The following COLEC12 variants were observed in gnomAD, a reference collection of about 807,000 sequenced individuals.
COLEC12 encodes collectin-12.
COLEC12 carries 33 observed loss-of-function variants against 71.1 expected under a neutral mutation model. That is an observed-to-expected ratio of 0.46 (90% CI 0.35 to 0.62). The LOEUF is 0.62. Ranked by LOEUF, COLEC12 falls within the 20% of genes least tolerant of loss-of-function variation. The pLI, the probability that COLEC12 is intolerant of heterozygous loss-of-function variation, is 0.00. For synonymous variants in COLEC12, 350 were observed against 353.0 expected, an observed-to-expected ratio of 0.99 and a Z score of 0.10; for missense variants, 765 against 916.1, an observed-to-expected ratio of 0.84 and a Z score of 2.13.
intron 2 of COLEC12, among the ~76,000 whole-genome samples, chr18:383,530 T>C (rs764957082): frequency 6.6e-6 from 1 of 152,222 alleles, no homozygotes; most frequent in Non-Finnish European, 1.5e-5. Context: ...GTTACGATTA[T>C]ATTGGTTTTG....
intron 2 of COLEC12, among the ~76,000 whole-genome samples, chr18:359,995 C>A (rs546917205): frequency 3.8e-4 from 58 of 152,266 alleles, no homozygotes; most frequent in African/African-American, 1.3e-3. Flanking sequence ...CTCAACCAAT[C>A]CCTCTGGTGT....
At chr18:441,293 G>A (rs977643536) in intron 2 of COLEC12, among the ~76,000 whole-genome samples, 1 of 151,872 alleles carries the variant, frequency 6.6e-6, no homozygotes, top group Admixed American at 6.6e-5. Context: ...AGTGCTATAC[G>A]GACTGTACGT....
rs540536452 is a variant in COLEC12, at chr18:332,923, T to C, written c.1953+84A>G. The C allele has an allele frequency of 7.1e-5, 90 of 1,265,150 alleles. No individual in the cohort carries two copies. In the East Asian group the frequency reaches 2.1e-3, roughly 30 times the overall value. 78.4% of individuals were successfully genotyped at this position (1,265,150 alleles called of 1,614,324 possible). Reference sequence around the variant, plus strand: ...CGTGACTAGGAATTCGTGATATCTCTGAATCCCCAACAAGCCTGCAATTTC... The same window carrying C: ...CGTGACTAGGAATTCGTGATATCTCCGAATCCCCAACAAGCCTGCAATTTC... On this transcript the variant is annotated intron_variant, in intron 7 of 9. Coordinates refer to ENST00000400256, the MANE Select transcript of COLEC12 (RefSeq NM_130386.3).
intron 2 of COLEC12, among the ~76,000 whole-genome samples, chr18:466,271 A>G (rs1318037858): frequency 2.6e-5 from 4 of 152,112 alleles, no homozygotes; most frequent in Non-Finnish European, 4.4e-5. Context: ...AAATTTTTAA[A>G]AAATGGTTAC....
At chr18:428,416 C>T (rs1017506819) in intron 2 of COLEC12, among the ~76,000 whole-genome samples, 2 of 152,144 alleles carry the variant, frequency 1.3e-5, no homozygotes, top group Non-Finnish European at 2.9e-5. Context: ...GAGATGAGAA[C>T]AGAAAAATCA....
intron 2 of COLEC12, among the ~76,000 whole-genome samples, chr18:364,993 G>C (rs1206353270): frequency 6.6e-6 from 1 of 152,082 alleles, no homozygotes; most frequent in Non-Finnish European, 1.5e-5. Flanking sequence ...ATCTCCAGAA[G>C]TGAAAAACAA....
rs1914422011 is a variant in COLEC12 at position 347,956 on chromosome 18, T to C, written c.280+109A>G. 3 of 646,968 alleles carry C rather than the reference T, an allele frequency of 4.6e-6. No homozygotes were observed. The African/African-American group carries it at 5.5e-5, about 12-fold the overall frequency. The allele number at this position is 646,968 out of a possible 1,614,324, so 40.1% of individuals were successfully genotyped here. A position where few individuals can be genotyped will look rare whatever the true frequency, so the allele number is the denominator to read the frequency against. ...GAGACTCAACATGCAACACAAAAAT[T>C]GAATGTCCTTCCGGGTGAATGGGGA... On this transcript the variant is annotated intron_variant, in intron 4 of 9. Coordinates refer to ENST00000400256, the MANE Select transcript of COLEC12 (RefSeq NM_130386.3).
At chr18:349,190 C>T (rs1403978091) in intron 3 of COLEC12, among the ~76,000 whole-genome samples, 1 of 152,212 alleles carries the variant, frequency 6.6e-6, no homozygotes, top group Non-Finnish European at 1.5e-5. Flanking sequence ...TTTCGTGGGC[C>T]AGGCCCAGGG....
At position 357,479 on chromosome 18, in the gene COLEC12, C is replaced by T; in HGVS notation, c.102G>A (p.Trp34Ter). 6.3e-7 allele frequency: 1 copy of T among 1,591,780 alleles called. No individual in the cohort carries two copies. Among genetic ancestry groups the T allele is most frequent in the Non-Finnish European group, 8.6e-7 (1 of 1,168,080 alleles). Residue 34 changes from tryptophan (W) to a stop codon, truncating the protein, a stop_gained, in exon 3 of 10, where the codon TGG becomes TGA. Coordinates refer to ENST00000400256, the MANE Select transcript of COLEC12 (RefSeq NM_130386.3). LOFTEE classifies it high-confidence loss of function. ...ATAATATGATAGAAAACTTCAGTGC[C>T]CAGTTATTTTTACATTTGGTACATT... ...GTQCTKCKNN[W>*]ALKFSIILLY... is the part of the protein sequence containing the mutation.
At chr18:454,674 C>T (rs887403525) in intron 2 of COLEC12, among the ~76,000 whole-genome samples, 22 of 152,188 alleles carry the variant, frequency 1.4e-4, no homozygotes, top group African/African-American at 4.8e-4. Context: ...AAAAGTGAGA[C>T]TCTGTCTCCA....
chr18:350,784 C>T (rs1362309077), intron 3 of COLEC12, among the ~76,000 whole-genome samples: 6 of 151,782 alleles, frequency 4.0e-5, no homozygotes, highest in Admixed American at 3.3e-4. Context: ...AAAAATTAGC[C>T]GGTTGTGGTG....
chr18:366,687 G>T (rs1914863684), intron 2 of COLEC12, among the ~76,000 whole-genome samples: 1 of 152,254 alleles, frequency 6.6e-6, no homozygotes, highest in Non-Finnish European at 1.5e-5. Context: ...GATCCGGGCA[G>T]TGGGAAGTGG....
intron 1 of COLEC12, among the ~76,000 whole-genome samples, chr18:494,967 C>CAT (rs1363052212): frequency 6.6e-6 from 1 of 152,148 alleles, no homozygotes; most frequent in Non-Finnish European, 1.5e-5. Context: ...CTGAAAAATG[C>CAT]ATTTCTTTTC....
At chr18:479,137 T>C (rs72856613) in intron 2 of COLEC12, among the ~76,000 whole-genome samples, 8,980 of 152,236 alleles carry the variant, frequency 0.059, 344 homozygotes, top group Admixed American at 0.12. Flanking sequence ...TTTCTGTGTT[T>C]TTTTGTTTGT....
chr18:375,648 C>A (rs987064775), intron 2 of COLEC12, among the ~76,000 whole-genome samples: 1 of 152,188 alleles, frequency 6.6e-6, no homozygotes. Flanking sequence ...CAGGCGTGCA[C>A]GACCACACTT....
At chr18:381,813 T>C (rs1403803682) in intron 2 of COLEC12, among the ~76,000 whole-genome samples, 1 of 152,198 alleles carries the variant, frequency 6.6e-6, no homozygotes, top group Non-Finnish European at 1.5e-5. Context: ...AATAAATTCA[T>C]ATGCAGTAGC....
chr18:413,270 G>A (rs1024408198), intron 2 of COLEC12, among the ~76,000 whole-genome samples: 6 of 152,214 alleles, frequency 3.9e-5, no homozygotes, highest in Non-Finnish European at 7.3e-5. Context: ...CTAGCCATTA[G>A]GGTAATGTAA....
At chr18:416,300 A>T (rs559107868) in intron 2 of COLEC12, among the ~76,000 whole-genome samples, 2 of 152,320 alleles carry the variant, frequency 1.3e-5, no homozygotes, top group Admixed American at 1.3e-4. Flanking sequence ...TGAAGAACTG[A>T]TCCCACACTG....
chr18:485,337 T>C (rs1355017515), intron 1 of COLEC12, among the ~76,000 whole-genome samples: 2 of 152,210 alleles, frequency 1.3e-5, no homozygotes, highest in African/African-American at 4.8e-5. Flanking sequence ...AATAAGGACT[T>C]GGTTAAGATT....
Sources: allele counts gnomAD v4.1 joint callset (sites outside exome capture counted in the v4.1 genomes callset), GRCh38; gene constraint gnomAD v4.1.1; transcripts MANE v1.5; gene names NCBI Gene and HGNC (gene_info 2026-07-23, HGNC 2026-07-21).